AGBL1: variants seen among roughly 807,000 people sequenced by gnomAD.
AGBL1 encodes AGBL carboxypeptidase 1, also known as cytosolic carboxypeptidase 4.
Under a neutral mutation model 118.9 loss-of-function variants are expected in AGBL1, and 130 were observed. The ratio of observed to expected loss-of-function variants is 1.09; its 90% CI spans 0.95 to 1.26. AGBL1 has a LOEUF of 1.26. Among genes scored for constraint, AGBL1 ranks in the 50% most tolerant of loss-of-function variants. AGBL1 has a pLI of 0.00. For synonymous variants in AGBL1, 555 were observed against 478.9 expected (o/e 1.16, Z -2.08); for missense variants, 1,584 against 1,298.1 (o/e 1.22, Z -3.38).
At chr15:87,006,128 C>T (rs547559040) in intron 24 of AGBL1, among the ~76,000 whole-genome samples, 33 of 152,328 alleles carry the variant, frequency 2.2e-4, no homozygotes, top group African/African-American at 7.7e-4. Context: ...GCCAGTTAGG[C>T]TACTCAGGGG....
intron 22 of AGBL1, among the ~76,000 whole-genome samples, chr15:86,835,780 G>A (rs905467769): frequency 2.6e-5 from 4 of 152,154 alleles, no homozygotes; most frequent in African/African-American, 4.8e-5. Flanking sequence ...AACAAAGGGT[G>A]CAGGGCATTA....
intron 22 of AGBL1, among the ~76,000 whole-genome samples, chr15:86,766,489 T>A (rs1349896783): frequency 6.6e-6 from 1 of 151,932 alleles, no homozygotes; most frequent in African/African-American, 2.4e-5. Context: ...ATGAAATTAT[T>A]CCATTCAACG....
chr15:86,081,145 G>C (rs1176314674), intron 1 of AGBL1, among the ~76,000 whole-genome samples: 1 of 152,160 alleles, frequency 6.6e-6, no homozygotes, highest in Non-Finnish European at 1.5e-5. Context: ...CCAGGTTCAA[G>C]CAATTCTCCT....
intron 22 of AGBL1, among the ~76,000 whole-genome samples, chr15:86,703,411 T>C (rs1384248734): frequency 6.6e-6 from 1 of 152,198 alleles, no homozygotes; most frequent in African/African-American, 2.4e-5. Flanking sequence ...GTTTACATTG[T>C]TTATGTTTCC....
In AGBL1 at chr15:86,129,163, A is replaced by G. The variant is rs1202503110; in HGVS notation, c.52-12841A>G. Among the ~76,000 whole-genome samples, 3 of 152,206 alleles carry G rather than the reference A, an allele frequency of 2.0e-5. No individual in the cohort carries two copies. The East Asian group carries it at 5.8e-4, about 29-fold the overall frequency. On this transcript the variant is annotated intron_variant, in intron 1 of 22. Transcript: ENST00000614907. Reference sequence around the variant, plus strand: ...ATGTCTCATTCTAGATCAAAGCCACACCCTCAATTTAATTCCTGGTTATTG... The same window carrying G: ...ATGTCTCATTCTAGATCAAAGCCACGCCCTCAATTTAATTCCTGGTTATTG...
chr15:86,758,138 CAAA>C (rs1287856144), intron 22 of AGBL1, among the ~76,000 whole-genome samples: 1 of 152,054 alleles, frequency 6.6e-6, no homozygotes, highest in Non-Finnish European at 1.5e-5. Flanking sequence ...CTATAGCATT[CAAA>C]GCCCACCATG....
intron 21 of AGBL1, among the ~76,000 whole-genome samples, chr15:86,636,836 T>C (rs2085105548): frequency 6.8e-6 from 1 of 147,028 alleles, no homozygotes; most frequent in South Asian, 2.2e-4. Flanking sequence ...TCACCTATGA[T>C]GACTCATAGG....
chr15:86,817,368 C>T (rs1374413632), intron 22 of AGBL1, among the ~76,000 whole-genome samples: 2 of 150,838 alleles, frequency 1.3e-5, no homozygotes, highest in Non-Finnish European at 2.9e-5. Flanking sequence ...TTGTCTACAC[C>T]AATGTTAGAA....
intron 17 of AGBL1, among the ~76,000 whole-genome samples, chr15:86,365,996 G>T (rs1245082886): frequency 6.6e-6 from 1 of 152,128 alleles, no homozygotes; most frequent in Non-Finnish European, 1.5e-5. Flanking sequence ...AAGCAGAGTG[G>T]ATTCTGTGCA....
chr15:86,912,724 A>T lies in AGBL1; in HGVS notation c.*5430A>T, dbSNP rs1190838475. 2 of 152,228 alleles carry T rather than the reference A, an allele frequency of 1.3e-5. No individual in the cohort carries two copies. The highest frequency in any genetic ancestry group is 2.9e-5 in the Non-Finnish European group (2 of 68,042). The allele number at this position is 152,228 out of a possible 1,614,324, so 9.4% of individuals were successfully genotyped here. A position where few individuals can be genotyped will look rare whatever the true frequency, so the allele number is the denominator to read the frequency against. ...AAGGAGCTCCCAGGAAATGCCTGAC[A>T]TAAGTCATCCTTGTTAGGGCCACAG... On this transcript the variant is annotated 3_prime_UTR_variant, in exon 23 of 23. Coordinates refer to ENST00000614907, the MANE Select transcript of AGBL1 (RefSeq NM_001386094.1).
At chr15:86,671,039 C>G (rs1437324797) in intron 21 of AGBL1, among the ~76,000 whole-genome samples, 2 of 152,108 alleles carry the variant, frequency 1.3e-5, no homozygotes, top group Non-Finnish European at 2.9e-5. Flanking sequence ...TTGCCTGACA[C>G]TCATTTCTAA....
intron 23 of AGBL1, among the ~76,000 whole-genome samples, chr15:86,941,009 C>A (rs72755640): frequency 0.039 from 5,912 of 152,242 alleles, 157 homozygotes; most frequent in Middle Eastern, 0.071. Flanking sequence ...ATAAAGCAAC[C>A]TTAGATCTTT....
chr15:86,275,063 T>C (rs1302374704), intron 15 of AGBL1, among the ~76,000 whole-genome samples: 1 of 152,148 alleles, frequency 6.6e-6, no homozygotes, highest in Non-Finnish European at 1.5e-5. Flanking sequence ...AGGGCCCTTT[T>C]AGTTTCTTTT....
At chr15:86,257,575 AAT>A (rs2078916367) in intron 8 of AGBL1, among the ~76,000 whole-genome samples, 1 of 152,192 alleles carries the variant, frequency 6.6e-6, no homozygotes, top group African/African-American at 2.4e-5. Flanking sequence ...TCAATCAAAA[AAT>A]TAGGGGCTCA....
intron 21 of AGBL1, among the ~76,000 whole-genome samples, chr15:86,565,172 G>A (rs368448914): frequency 4.6e-5 from 7 of 152,226 alleles, no homozygotes; most frequent in South Asian, 2.1e-4. Flanking sequence ...CATTGCTGGC[G>A]AGGAGCTGCG....
intron 18 of AGBL1, among the ~76,000 whole-genome samples, chr15:86,480,016 C>T (rs2082628450): frequency 1.3e-5 from 2 of 151,500 alleles, no homozygotes; most frequent in African/African-American, 2.4e-5. Context: ...TGTTCTCACT[C>T]ATAGGTGGGA....
intron 14 of AGBL1, among the ~76,000 whole-genome samples, chr15:86,270,362 T>C (rs1387512354): frequency 1.3e-5 from 2 of 152,126 alleles, no homozygotes; most frequent in African/African-American, 4.8e-5. Context: ...TCTCTCCATC[T>C]CCTAAGTCCC....
intron 5 of AGBL1, among the ~76,000 whole-genome samples, chr15:86,218,649 C>T (rs370661291): frequency 6.6e-6 from 1 of 152,166 alleles, no homozygotes; most frequent in East Asian, 1.9e-4. Flanking sequence ...TAGAAACTTT[C>T]CTCATTGATG....
chr15:86,210,534 A>C (rs1384165215), intron 5 of AGBL1, among the ~76,000 whole-genome samples: 2 of 151,850 alleles, frequency 1.3e-5, no homozygotes, highest in African/African-American at 2.4e-5. Flanking sequence ...TTTTTCTCTA[A>C]ACTTCTCCTC....
Sources: gnomAD v4.1 joint callset for allele counts (sites outside exome capture counted in the v4.1 genomes callset) on GRCh38, gnomAD v4.1.1 for gene constraint, MANE v1.5 for transcripts, NCBI Gene and HGNC (gene_info 2026-07-23, HGNC 2026-07-21) for gene names.